MDGA2: variants seen among roughly 807,000 people sequenced by gnomAD.
The protein encoded by MDGA2 is MAM domain containing glycosylphosphatidylinositol anchor 2.
A neutral mutation model predicts 117.8 loss-of-function variants in MDGA2; 40 were observed. The observed-to-expected ratio is 0.34, with a 90% confidence interval of 0.26 to 0.44. MDGA2 has a LOEUF of 0.44. Among genes scored for constraint, MDGA2 ranks in the 20% least tolerant of loss-of-function variants. MDGA2 has a pLI of 1.00. For synonymous variants in MDGA2, 452 were observed against 439.0 expected (o/e 1.03, Z -0.37); for missense variants, 1,123 against 1,250.6 (o/e 0.90, Z 1.54).
At chr14:47,403,633 C>A (rs1366714417) in intron 1 of MDGA2, among the ~76,000 whole-genome samples, 1 of 152,096 alleles carries the variant, frequency 6.6e-6, no homozygotes, top group Non-Finnish European at 1.5e-5. Context: ...GTTCTTCCTG[C>A]TGTTTGTCAT....
intron 1 of MDGA2, among the ~76,000 whole-genome samples, chr14:47,302,258 T>A (rs914049818): frequency 6.6e-6 from 1 of 152,124 alleles, no homozygotes; most frequent in South Asian, 2.1e-4. Context: ...TAACTAACAC[T>A]CCTTGACTTA....
chr14:46,984,013 T>G (rs1042842357), intron 8 of MDGA2, among the ~76,000 whole-genome samples: 1 of 152,058 alleles, frequency 6.6e-6, no homozygotes, highest in Non-Finnish European at 1.5e-5. Flanking sequence ...TGTAAGTATA[T>G]TAGTAATAAA....
rs188811445 is a variant in MDGA2, at chr14:47,268,831, A to G, written c.420+32580T>C. Among the ~76,000 whole-genome samples, 338 of 152,352 alleles carry G rather than the reference A, an allele frequency of 2.2e-3. 1 individual carries two copies. The highest frequency in any genetic ancestry group is 3.2e-3 in the Non-Finnish European group (221 of 68,042). ...AATTAATTCTATGAGTAGATAAATT[A>G]TTGGCAATGTTAATGGAAATCAGTG... On this transcript the variant is annotated intron_variant, in intron 2 of 16. Coordinates refer to ENST00000399232, the MANE Select transcript of MDGA2 (RefSeq NM_001113498.3).
At chr14:47,588,798 G>A (rs4900787) in intron 1 of MDGA2, among the ~76,000 whole-genome samples, 42,329 of 151,624 alleles carry the variant, frequency 0.28, 6,461 homozygotes, top group Non-Finnish European at 0.35. Context: ...CAAACCTAAT[G>A]GCTGAAACTA....
chr14:46,882,254 C>A, intron 10 of MDGA2, 33 bp from the exon 11 acceptor site: 3 of 1,567,848 alleles, frequency 1.9e-6, no homozygotes, highest in Non-Finnish European at 2.6e-6. Context: ...ATAATGTTCC[C>A]AGTATGTTCT....
At chr14:47,382,192 C>T (rs568786311) in intron 1 of MDGA2, among the ~76,000 whole-genome samples, 1 of 152,114 alleles carries the variant, frequency 6.6e-6, no homozygotes, top group Admixed American at 6.5e-5. Flanking sequence ...ACACCTTATA[C>T]AAAAATTAAT....
intron 1 of MDGA2, among the ~76,000 whole-genome samples, chr14:47,313,945 T>C (rs1046241800): frequency 2.6e-5 from 4 of 152,178 alleles, no homozygotes; most frequent in Non-Finnish European, 5.9e-5. Flanking sequence ...ATATTTATAT[T>C]GGGAGAAACT....
At chr14:47,486,208 C>T (rs1241056193) in intron 1 of MDGA2, among the ~76,000 whole-genome samples, 1 of 152,208 alleles carries the variant, frequency 6.6e-6, no homozygotes, top group African/African-American at 2.4e-5. Context: ...CTTGCATCAG[C>T]ATGACCTGGA....
At chr14:47,034,573 TG>T (rs1888772470) in intron 8 of MDGA2, among the ~76,000 whole-genome samples, 1 of 152,124 alleles carries the variant, frequency 6.6e-6, no homozygotes, top group Non-Finnish European at 1.5e-5. Context: ...GTAGATAATT[TG>T]GGAAAAGGAC....
chr14:47,318,809 A>AGAAGGAAGGAAGGAAGCAAGGAAG (rs1310181007), intron 1 of MDGA2, among the ~76,000 whole-genome samples: 8 of 91,692 alleles, frequency 8.7e-5, no homozygotes, highest in African/African-American at 2.4e-4. Flanking sequence ...AAGGGAGGAA[A>AGAAGGAAGGAAGGAAGCAAGGAAG]GAAGGAAGGA....
chr14:47,546,526 T>C (rs754141265), intron 1 of MDGA2, among the ~76,000 whole-genome samples: 1 of 152,190 alleles, frequency 6.6e-6, no homozygotes, highest in Non-Finnish European at 1.5e-5. Context: ...AAGAGAACCA[T>C]CATATTTCTA....
At position 47,175,315 on chromosome 14, in the gene MDGA2, C is replaced by G. The variant is rs537368318; in HGVS notation, c.596-31041G>C. On this transcript the variant is annotated intron_variant, in intron 3 of 16. Coordinates refer to ENST00000399232, the MANE Select transcript of MDGA2 (RefSeq NM_001113498.3). ...CTCATTTTATGAGGCCAGCATCATC[C>G]TGATACCAAAGCCGGGCAGAGACAC... Among the ~76,000 whole-genome samples, 82 of 151,926 alleles carry G rather than the reference C, an allele frequency of 5.4e-4. 2 individuals carry two copies. The South Asian group carries it at 0.017, about 31-fold the overall frequency.
intron 3 of MDGA2, among the ~76,000 whole-genome samples, chr14:47,186,900 C>A (rs1275700484): frequency 6.6e-6 from 1 of 151,808 alleles, no homozygotes; most frequent in Non-Finnish European, 1.5e-5. Context: ...ACAATCTGTT[C>A]TCTTGTTTTG....
intron 7 of MDGA2, among the ~76,000 whole-genome samples, chr14:47,043,138 A>T (rs947316689): frequency 6.6e-6 from 1 of 152,054 alleles, no homozygotes; most frequent in Non-Finnish European, 1.5e-5. Flanking sequence ...TTTTTAAAAT[A>T]CAGTAATGTG....
Position 47,144,179 on chromosome 14 carries a change from T to G in MDGA2, c.691A>C (p.Asn231His), listed in dbSNP as rs1178564515. The G allele has an allele frequency of 6.4e-7, 1 of 1,551,452 alleles. No homozygotes were observed. Among genetic ancestry groups the G allele is most frequent in the East Asian group, 2.4e-5 (1 of 40,898 alleles). ...CTATACCGAACAGGAGGATTGGAATTGGCAACACACCGGAGGAACACTGTT... is the reference window on the plus strand; with the variant it reads ...CTATACCGAACAGGAGGATTGGAATGGGCAACACACCGGAGGAACACTGTT... ...ERTVFLRCVA[N>H]SNPPVRYSWR... The change falls in exon 4 of 17, where the codon AAT (asparagine) becomes CAT (histidine). Residue 231 changes from asparagine (N) to histidine (H), a missense_variant. By Grantham distance (68) the Asn-to-His change is moderately conservative. Around this residue, in one of 2 missense-constraint regions of MDGA2, gnomAD observed 890 missense variants for 1,050.3 expected, o/e 0.85. Transcript: ENST00000399232.
chr14:47,305,171 C>G (rs1359840573), intron 1 of MDGA2: 1 of 152,114 alleles, frequency 6.6e-6, no homozygotes, highest in African/African-American at 2.4e-5. Flanking sequence ...AGCAAAATAT[C>G]AACTATTATG....
intron 1 of MDGA2, among the ~76,000 whole-genome samples, chr14:47,589,804 A>G (rs1414078360): frequency 6.6e-6 from 1 of 151,948 alleles, no homozygotes; most frequent in East Asian, 1.9e-4. Context: ...CGAACACGAG[A>G]TATTTTTCTA....
intron 2 of MDGA2, among the ~76,000 whole-genome samples, chr14:47,230,214 T>G (rs1240422547): frequency 6.6e-6 from 1 of 151,960 alleles, no homozygotes; most frequent in Non-Finnish European, 1.5e-5. Context: ...CATATTTACA[T>G]CTATTCATAA....
At chr14:47,300,639 A>C (rs1048171535) in intron 2 of MDGA2, among the ~76,000 whole-genome samples, 18 of 151,708 alleles carry the variant, frequency 1.2e-4, no homozygotes, top group Non-Finnish European at 2.6e-4. Context: ...ACGGGTGTGC[A>C]ACACCAGGCC....
Sources: gnomAD v4.1 joint callset for allele counts (sites outside exome capture counted in the v4.1 genomes callset) on GRCh38, gnomAD v4.1.1 for gene constraint, gnomAD v4.1.1 regional missense constraint, MANE v1.5 for transcripts, NCBI Gene and HGNC (gene_info 2026-07-23, HGNC 2026-07-21) for gene names.